The following UNC79 variants were observed in gnomAD, a reference collection of about 807,000 sequenced individuals.
UNC79 encodes the protein protein unc-79 homolog.
UNC79 carries 37 observed loss-of-function variants against 283.1 expected under a neutral mutation model. That is an observed-to-expected ratio of 0.13 (90% CI 0.10 to 0.17). UNC79 has a LOEUF of 0.17. Ranked by LOEUF, UNC79 falls within the 10% of genes least tolerant of loss-of-function variation. The pLI, the probability that UNC79 is intolerant of heterozygous loss-of-function variation, is 1.00. For synonymous variants in UNC79, 1,107 were observed against 1,200.2 expected, an observed-to-expected ratio of 0.92 and a Z score of 1.61; for missense variants, 2,272 against 3,211.1, an observed-to-expected ratio of 0.71 and a Z score of 7.07.
chr14:93,419,781 TG>T (rs2055551095), intron 1 of UNC79, among the ~76,000 whole-genome samples: 1 of 151,610 alleles, frequency 6.6e-6, no homozygotes, highest in Non-Finnish European at 1.5e-5. Flanking sequence ...CATGCTATCA[TG>T]GCCAGGTGTG....
intron 14 of UNC79, among the ~76,000 whole-genome samples, chr14:93,543,801 T>G (rs1280167879): frequency 6.6e-6 from 1 of 152,246 alleles, no homozygotes; most frequent in Non-Finnish European, 1.5e-5. Context: ...TGATTTTTTA[T>G]TTCCTTTCAA....
At chr14:93,612,874 C>T (rs1465336177) in exon 27 of UNC79, 2 of 1,614,124 alleles carry the variant, frequency 1.2e-6, no homozygotes, top group Non-Finnish European at 1.7e-6. Context: ...CCAGACAGTT[C>T]ACCAGCTGAT....
intron 1 of UNC79, among the ~76,000 whole-genome samples, chr14:93,458,171 T>A (rs2056847710): frequency 6.6e-6 from 1 of 152,186 alleles, no homozygotes; most frequent in Non-Finnish European, 1.5e-5. Flanking sequence ...ATCTATAAAA[T>A]CTTAGGCTTT....
At chr14:93,422,964 G>A (rs2055631434) in intron 1 of UNC79, among the ~76,000 whole-genome samples, 1 of 149,978 alleles carries the variant, frequency 6.7e-6, no homozygotes. Flanking sequence ...TCAGGAGGTT[G>A]AGGCAGGAGA....
chr14:93,686,788 T>A, intron 43 of UNC79, 127 bp downstream of exon 46: 1 of 978,944 alleles, frequency 1.0e-6, no homozygotes, highest in Non-Finnish European at 1.5e-6. Flanking sequence ...AATGAGCCCC[T>A]GTCTTGGGGG....
intron 14 of UNC79, among the ~76,000 whole-genome samples, chr14:93,565,510 T>C (rs2062821661): frequency 6.6e-6 from 1 of 152,172 alleles, no homozygotes; most frequent in East Asian, 1.9e-4. Flanking sequence ...GGCCCTAGGG[T>C]ATCCTGTTCT....
chr14:93,468,618 T>C (rs1319541026), intron 2 of UNC79, among the ~76,000 whole-genome samples: 1 of 152,196 alleles, frequency 6.6e-6, no homozygotes, highest in Non-Finnish European at 1.5e-5. Context: ...AGAACACAAA[T>C]TTGCAAAGAC....
intron 1 of UNC79, among the ~76,000 whole-genome samples, chr14:93,358,788 G>A (rs771396906): frequency 4.6e-5 from 7 of 152,284 alleles, no homozygotes; most frequent in Non-Finnish European, 1.0e-4. Context: ...GCTGCCTGAG[G>A]CAACAGTGAT....
Position 93,392,483 on chromosome 14 carries a change from C to T in UNC79, c.-351+58960C>T, listed in dbSNP as rs182032731. Among the ~76,000 whole-genome samples, 19 of 152,268 alleles carry T rather than the reference C, an allele frequency of 1.2e-4. 1 individual carries two copies. The South Asian group carries it at 1.9e-3, about 15-fold the overall frequency. Reference sequence around the variant, plus strand: ...ACATTAATTATATGTTATATATGGACATGTAGTTTGTATCAAATTACAGAT... The same window carrying T: ...ACATTAATTATATGTTATATATGGATATGTAGTTTGTATCAAATTACAGAT... On this transcript the variant is annotated intron_variant, in intron 1 of 49. Transcript: ENST00000256339.
intron 14 of UNC79, among the ~76,000 whole-genome samples, chr14:93,569,392 G>A (rs757335708): frequency 2.2e-4 from 33 of 151,960 alleles, no homozygotes; most frequent in African/African-American, 7.3e-4. Flanking sequence ...AACTGAAATC[G>A]CGCCATTGCA....
At chr14:93,495,014 G>A (rs372632770) in intron 5 of UNC79, among the ~76,000 whole-genome samples, 8 of 151,978 alleles carry the variant, frequency 5.3e-5, no homozygotes, top group Non-Finnish European at 7.4e-5. Context: ...TACCTCTTTC[G>A]TTTTATCAGA....
intron 11 of UNC79, among the ~76,000 whole-genome samples, chr14:93,533,556 G>A (rs1021183632): frequency 2.0e-5 from 3 of 152,140 alleles, no homozygotes; most frequent in Non-Finnish European, 4.4e-5. Context: ...TGAGATGGGT[G>A]GGGTGTCTGG....
intron 1 of UNC79, among the ~76,000 whole-genome samples, chr14:93,422,599 G>T (rs766199066): frequency 1.3e-5 from 2 of 151,898 alleles, no homozygotes; most frequent in Non-Finnish European, 2.9e-5. Flanking sequence ...TCAGATGGTT[G>T]GGGGGGCCTT....
chr14:93,706,845 A>C, exon 49 of UNC79: 1 of 1,614,254 alleles, frequency 6.2e-7, no homozygotes, highest in Non-Finnish European at 8.5e-7. Flanking sequence ...CACTCAGTTC[A>C]AAATGGCCCA....
chr14:93,611,595 G>A (rs1442906715), intron 26 of UNC79, among the ~76,000 whole-genome samples: 1 of 152,168 alleles, frequency 6.6e-6, no homozygotes, highest in Non-Finnish European at 1.5e-5. Flanking sequence ...TGTCCTGGAA[G>A]GCTGAGATTT....
In UNC79 at chr14:93,528,539, G is replaced by A. The variant is rs764825132; in HGVS notation, c.964-19G>A. On this transcript the variant is annotated intron_variant, in intron 8 of 48. Coordinates refer to ENST00000555664, the Ensembl canonical transcript of UNC79. The stretch of plus-strand genomic sequence containing the variant: ...ACCCAGGAACAGGAGAGTTCATTCT[G>A]TCTTTTCATATGTTTCAGATGTGTA... 6.2e-6 allele frequency: 10 copies of A among 1,610,142 alleles called. No homozygotes were observed. The highest frequency in any genetic ancestry group is 8.5e-6 in the Non-Finnish European group (10 of 1,176,926).
At chr14:93,347,028 G>A (rs904893180) in intron 1 of UNC79, among the ~76,000 whole-genome samples, 1 of 151,914 alleles carries the variant, frequency 6.6e-6, no homozygotes, top group South Asian at 2.1e-4. Context: ...CAGAGGGGGT[G>A]GGGCAAAGCA....
chr14:93,376,054 T>C (rs1308536322), intron 1 of UNC79, among the ~76,000 whole-genome samples: 7 of 152,210 alleles, frequency 4.6e-5, no homozygotes. Context: ...CCTTTTGACC[T>C]GGGGCTTCTC....
intron 14 of UNC79, among the ~76,000 whole-genome samples, chr14:93,553,912 T>C (rs1455188319): frequency 6.6e-6 from 1 of 152,172 alleles, no homozygotes; most frequent in African/African-American, 2.4e-5. Context: ...TTGTCAAATA[T>C]CAAAATTTAA....
Sources: allele counts gnomAD v4.1 joint callset (sites outside exome capture counted in the v4.1 genomes callset), GRCh38; gene constraint gnomAD v4.1.1; transcripts MANE v1.5; gene names NCBI Gene and HGNC (gene_info 2026-07-23, HGNC 2026-07-21).